RAPGEF5: variants seen among roughly 807,000 people sequenced by gnomAD.
RAPGEF5 encodes the protein M-Ras-regulated GEF.
RAPGEF5 carries 65 observed loss-of-function variants against 125.2 expected under a neutral mutation model. The observed-to-expected ratio is 0.52, with a 90% CI of 0.43 to 0.64. RAPGEF5 has a LOEUF of 0.64. Among genes scored for constraint, RAPGEF5 ranks in the 30% least tolerant of loss-of-function variants. The pLI is 0.00. For missense variants in RAPGEF5, 958 were observed against 1,048.1 expected (o/e 0.91, Z 1.19); for synonymous variants, 391 against 385.9 (o/e 1.01, Z -0.16).
rs377464810 is a variant in RAPGEF5, at chr7:22,305,663, C to A, written c.680+2676G>T. ...AGTGGGCCTTATTCATTCTTTCTAA[C>A]GTTTTTTTGGTACCCATTAACCATC... On this transcript the variant is annotated intron_variant, in intron 5 of 25. Transcript: ENST00000665637. Among the ~76,000 whole-genome samples, 26 of 152,266 alleles carry A rather than the reference C, an allele frequency of 1.7e-4. No individual in the cohort carries two copies. The South Asian group carries it at 4.6e-3, about 27-fold the overall frequency.
intron 1 of RAPGEF5, among the ~76,000 whole-genome samples, chr7:22,342,686 C>T (rs1275054811): frequency 2.0e-5 from 3 of 152,202 alleles, no homozygotes; most frequent in African/African-American, 7.2e-5. Context: ...GTTCAAAGTT[C>T]CACAAATCTC....
intron 15 of RAPGEF5, 92 bp from the exon 16 acceptor site, chr7:22,156,980 C>A: frequency 6.6e-7 from 1 of 1,526,042 alleles, no homozygotes; most frequent in Admixed American, 2.2e-5. Context: ...AAGAACTAGC[C>A]AAATTTTTTT....
intron 6 of RAPGEF5, among the ~76,000 whole-genome samples, chr7:22,286,241 C>T (rs1782794012): frequency 6.6e-6 from 1 of 152,210 alleles, no homozygotes; most frequent in Admixed American, 6.5e-5. Context: ...CATGTGATGG[C>T]TGACTTCATC....
chr7:22,339,427 G>A (rs1784086180), intron 1 of RAPGEF5, among the ~76,000 whole-genome samples: 1 of 151,988 alleles, frequency 6.6e-6, no homozygotes, highest in African/African-American at 2.4e-5. Context: ...GATGCAAAAT[G>A]TTTTAGTAAG....
At chr7:22,161,040 CA>C (rs58855860) in intron 13 of RAPGEF5, among the ~76,000 whole-genome samples, 3 of 146,090 alleles carry the variant, frequency 2.1e-5, no homozygotes, top group Admixed American at 1.4e-4. Flanking sequence ...ACTAAAAATA[CA>C]AAAAAAAAAA....
intron 14 of RAPGEF5, among the ~76,000 whole-genome samples, chr7:22,159,662 C>G (rs1253962488): frequency 6.6e-6 from 1 of 152,154 alleles, no homozygotes; most frequent in African/African-American, 2.4e-5. Context: ...GGTAATATCG[C>G]TAACAGTAAA....
At position 22,139,870 on chromosome 7, in the gene RAPGEF5, C is replaced by T. The variant is rs1783201958; in HGVS notation, c.2277+155G>A. On this transcript the variant is annotated intron_variant, in intron 21 of 25. Coordinates refer to ENST00000665637, the MANE Select transcript of RAPGEF5 (RefSeq NM_012294.5). Reference sequence around the variant, plus strand: ...TTTTATCTAGTTCAGACACATTATACAACCGTTTAAAGACCATTTGATCAA... The same window carrying T: ...TTTTATCTAGTTCAGACACATTATATAACCGTTTAAAGACCATTTGATCAA... The T allele has an allele frequency of 4.8e-6, 3 of 631,516 alleles. No homozygotes were observed. The South Asian group carries it at 6.0e-5, about 13-fold the overall frequency. 39.1% of individuals were successfully genotyped at this position (631,516 alleles called of 1,614,324 possible).
At chr7:22,128,594 T>A (rs1323408174) in intron 24 of RAPGEF5, among the ~76,000 whole-genome samples, 1 of 152,160 alleles carries the variant, frequency 6.6e-6, no homozygotes, top group Non-Finnish European at 1.5e-5. Flanking sequence ...CCTAGAAAGG[T>A]CAGTCTCATT....
intron 5 of RAPGEF5, among the ~76,000 whole-genome samples, chr7:22,302,160 G>C (rs552148613): frequency 7.2e-5 from 11 of 152,318 alleles, no homozygotes; most frequent in African/African-American, 2.6e-4. Flanking sequence ...CCACGATCTT[G>C]TAATCCCTTT....
intron 7 of RAPGEF5, among the ~76,000 whole-genome samples, chr7:22,242,835 GGCAGGAGAATCACTT>G (rs367615709): frequency 6.6e-4 from 100 of 151,674 alleles, no homozygotes; most frequent in African/African-American, 2.3e-3. Flanking sequence ...GGGAGGCTGA[GGCAGGAGAATCACTT>G]GCAGGAGAAT....
At chr7:22,328,891 C>T (rs59328846) in intron 1 of RAPGEF5, among the ~76,000 whole-genome samples, 10,574 of 152,266 alleles carry the variant, frequency 0.069, 477 homozygotes, top group South Asian at 0.16. Context: ...AAAGAGTCAC[C>T]TGATCTTCAG....
chr7:22,244,717 C>T (rs1407737271), intron 7 of RAPGEF5, among the ~76,000 whole-genome samples: 4 of 152,018 alleles, frequency 2.6e-5, no homozygotes, highest in South Asian at 2.1e-4. Flanking sequence ...TACCCCAGTC[C>T]GTAGAAAAAC....
intron 7 of RAPGEF5, among the ~76,000 whole-genome samples, chr7:22,251,799 A>AAAAAAAT (rs1562489273): frequency 8.7e-5 from 13 of 149,786 alleles, no homozygotes; most frequent in East Asian, 3.9e-4. Context: ...AAAAAAAAAA[A>AAAAAAAT]GTGGAGGTGC....
chr7:22,187,517 G>A lies in RAPGEF5; in HGVS notation c.1204+5850C>T, dbSNP rs570277088. Among the ~76,000 whole-genome samples the A allele has an allele frequency of 7.9e-5, 12 of 152,338 alleles. No homozygotes were observed. The South Asian group carries it at 2.5e-3, about 32-fold the overall frequency. On this transcript the variant is annotated intron_variant, in intron 11 of 25. Coordinates refer to ENST00000665637, the MANE Select transcript of RAPGEF5 (RefSeq NM_012294.5). The stretch of plus-strand genomic sequence containing the variant: ...ATCCAGGAATTTGTGTCATGTGACA[G>A]AACCCACACAAAAATCCAAATGGCT...
intron 2 of RAPGEF5, 85 bp from the exon 3 acceptor site, chr7:22,315,561 A>T (rs1425063313): frequency 1.5e-5 from 9 of 605,994 alleles, no homozygotes; most frequent in Non-Finnish European, 1.9e-5. Flanking sequence ...ATATATATAT[A>T]TATATATTTA....
intron 1 of RAPGEF5, among the ~76,000 whole-genome samples, chr7:22,325,502 A>C (rs1783797229): frequency 6.6e-6 from 1 of 152,200 alleles, no homozygotes; most frequent in African/African-American, 2.4e-5. Flanking sequence ...TAGAGAGTGC[A>C]GAGTGTGCAT....
chr7:22,226,167 C>A (rs961497549), intron 8 of RAPGEF5, among the ~76,000 whole-genome samples: 1 of 152,122 alleles, frequency 6.6e-6, no homozygotes, highest in Non-Finnish European at 1.5e-5. Context: ...TCAGGGAAAC[C>A]AGAAAGAAAG....
chr7:22,179,694 CAA>C (rs1562743516), intron 11 of RAPGEF5, among the ~76,000 whole-genome samples: 2 of 152,140 alleles, frequency 1.3e-5, no homozygotes, highest in Admixed American at 6.6e-5. Context: ...CAAATCCCAC[CAA>C]AACCAAGATA....
chr7:22,136,783 T>C, intron 22 of RAPGEF5, 150 bp downstream of exon 22: 1 of 665,910 alleles, frequency 1.5e-6, no homozygotes, highest in Non-Finnish European at 2.5e-6. Flanking sequence ...CTTCCCTCCA[T>C]AAGAAGCAAA....
Sources: gnomAD v4.1 joint callset for allele counts (sites outside exome capture counted in the v4.1 genomes callset) on GRCh38, gnomAD v4.1.1 for gene constraint, MANE v1.5 for transcripts, NCBI Gene and HGNC (gene_info 2026-07-23, HGNC 2026-07-21) for gene names.